PARP8: variants seen among roughly 807,000 people sequenced by gnomAD.
PARP8 encodes the protein protein mono-ADP-ribosyltransferase PARP8.
Under a neutral mutation model 124.1 loss-of-function variants are expected in PARP8, and 51 were observed. That is an observed-to-expected ratio of 0.41 (90% confidence interval 0.33 to 0.52). The LOEUF (loss-of-function observed/expected upper bound fraction) is 0.52, where lower values mean the gene tolerates loss of function less well. Among genes scored for constraint, PARP8 ranks in the 20% least tolerant of loss-of-function variants. The pLI, the probability that PARP8 is intolerant of heterozygous loss-of-function variation, is 0.21. For synonymous variants in PARP8, 391 were observed against 361.5 expected (o/e 1.08, Z -0.93); for missense variants, 860 against 1,018.9 (o/e 0.84, Z 2.12).
intron 2 of PARP8, among the ~76,000 whole-genome samples, chr5:50,746,457 A>T (rs1191475453): frequency 2.0e-5 from 3 of 152,210 alleles, no homozygotes; most frequent in African/African-American, 4.8e-5. Context: ...TACTGTAGGT[A>T]CATAACATGT....
chr5:50,742,290 G>GT (rs1446364090), intron 2 of PARP8, among the ~76,000 whole-genome samples: 1 of 152,118 alleles, frequency 6.6e-6, no homozygotes, highest in African/African-American at 2.4e-5. Context: ...TTTGTGGCTA[G>GT]TTTTTTTCCC....
At chr5:50,759,273 C>G (rs1294055403) in intron 3 of PARP8, among the ~76,000 whole-genome samples, 2 of 151,972 alleles carry the variant, frequency 1.3e-5, no homozygotes, top group African/African-American at 4.8e-5. Flanking sequence ...TTTTCTCTCT[C>G]CACTCACTAA....
intron 2 of PARP8, among the ~76,000 whole-genome samples, chr5:50,687,376 T>C (rs1308499325): frequency 6.6e-6 from 1 of 152,166 alleles, no homozygotes; most frequent in Non-Finnish European, 1.5e-5. Flanking sequence ...GCTATCAGGT[T>C]TTTGGTCAAA....
intron 5 of PARP8, among the ~76,000 whole-genome samples, chr5:50,761,203 T>A (rs1760503342): frequency 6.6e-6 from 1 of 152,096 alleles, no homozygotes; most frequent in African/African-American, 2.4e-5. Flanking sequence ...AATACCCCCA[T>A]GAATTTTCAT....
At chr5:50,791,119 T>A (rs981050495) in intron 10 of PARP8, among the ~76,000 whole-genome samples, 3 of 152,320 alleles carry the variant, frequency 2.0e-5, no homozygotes, top group Admixed American at 6.5e-5. Context: ...TGGTTTTCAG[T>A]AAATAGAAGA....
intron 2 of PARP8, among the ~76,000 whole-genome samples, chr5:50,670,016 A>G (rs2149429586): frequency 6.6e-6 from 1 of 152,370 alleles, no homozygotes; most frequent in East Asian, 1.9e-4. Flanking sequence ...AAGTTGTTAC[A>G]GTGTAGTAAC....
chr5:50,746,536 A>G (rs1443829909), intron 2 of PARP8, among the ~76,000 whole-genome samples: 2 of 152,204 alleles, frequency 1.3e-5, no homozygotes, highest in Non-Finnish European at 2.9e-5. Context: ...ATGTGAGTCT[A>G]TATTATATAA....
chr5:50,826,668 A>G, intron 18 of PARP8, 87 bp from the exon 19 acceptor site: 4 of 1,464,888 alleles, frequency 2.7e-6, no homozygotes, highest in Non-Finnish European at 3.6e-6. Context: ...CACAGCAAAA[A>G]TAAGTTTTAA....
intron 2 of PARP8, among the ~76,000 whole-genome samples, chr5:50,682,048 C>T (rs1448692187): frequency 3.9e-5 from 6 of 152,096 alleles, no homozygotes; most frequent in African/African-American, 1.4e-4. Flanking sequence ...TGTGTAGTTA[C>T]TATTATTTCA....
chr5:50,762,826 C>G (rs1760691401), intron 6 of PARP8, among the ~76,000 whole-genome samples: 1 of 152,194 alleles, frequency 6.6e-6, no homozygotes, highest in African/African-American at 2.4e-5. Context: ...GTTTACACAA[C>G]TAATTCTTAC....
At chr5:50,792,273 T>A (rs1463433185) in intron 10 of PARP8, among the ~76,000 whole-genome samples, 1 of 152,162 alleles carries the variant, frequency 6.6e-6, no homozygotes, top group Non-Finnish European at 1.5e-5. Flanking sequence ...GTGGTTGTTA[T>A]ACCAAATGTG....
chr5:50,730,934 TG>T (rs1756914761), intron 2 of PARP8, among the ~76,000 whole-genome samples: 1 of 152,202 alleles, frequency 6.6e-6, no homozygotes, highest in Non-Finnish European at 1.5e-5. Flanking sequence ...TTGGCTCACA[TG>T]GGGCAGTAAC....
chr5:50,703,453 C>A (rs1248440775), intron 2 of PARP8, among the ~76,000 whole-genome samples: 1 of 152,022 alleles, frequency 6.6e-6, no homozygotes, highest in Non-Finnish European at 1.5e-5. Flanking sequence ...TCAATGAGAT[C>A]ATTTCTTGGA....
intron 9 of PARP8, among the ~76,000 whole-genome samples, chr5:50,787,110 C>CT (rs892066704): frequency 1.8e-4 from 27 of 152,180 alleles, no homozygotes; most frequent in African/African-American, 6.0e-4. Flanking sequence ...CTTAACTCTT[C>CT]TTTTTTTTCA....
intron 9 of PARP8, among the ~76,000 whole-genome samples, chr5:50,780,208 A>G (rs575825388): frequency 6.6e-6 from 1 of 152,332 alleles, no homozygotes; most frequent in South Asian, 2.1e-4. Flanking sequence ...AATGATTTGT[A>G]ATGTATGGAG....
intron 2 of PARP8, among the ~76,000 whole-genome samples, chr5:50,683,568 G>T (rs1285285265): frequency 2.6e-5 from 4 of 151,912 alleles, no homozygotes; most frequent in African/African-American, 9.7e-5. Context: ...TAATATTGCC[G>T]GTCTCAGCAA....
intron 15 of PARP8, among the ~76,000 whole-genome samples, chr5:50,820,143 T>A (rs1745595171): frequency 6.6e-6 from 1 of 152,186 alleles, no homozygotes; most frequent in Non-Finnish European, 1.5e-5. Context: ...CTGGATGCTA[T>A]GATTGGGTGG....
intron 8 of PARP8, 130 bp from the exon 9 acceptor site, chr5:50,778,430 T>C: frequency 1.4e-6 from 1 of 708,750 alleles, no homozygotes; most frequent in South Asian, 2.0e-5. Context: ...AAACAGTGGG[T>C]TTTGAGATAA....
chr5:50,809,024 T>A (rs1561412151), intron 14 of PARP8, among the ~76,000 whole-genome samples: 1 of 151,512 alleles, frequency 6.6e-6, no homozygotes, highest in African/African-American at 2.4e-5. Context: ...AAACATGGTT[T>A]AAAAAAAAAT....
Sources: allele counts gnomAD v4.1 joint callset (sites outside exome capture counted in the v4.1 genomes callset), GRCh38; gene constraint gnomAD v4.1.1; transcripts MANE v1.5; gene names NCBI Gene and HGNC (gene_info 2026-07-23, HGNC 2026-07-21).